The following PARP10 variants were observed in gnomAD, a reference collection of about 807,000 sequenced individuals.
PARP10 encodes the protein poly(ADP-ribose) polymerase family member 10, also known as protein mono-ADP-ribosyltransferase PARP10.
In PARP10, 56 loss-of-function variants were observed where a neutral mutation model predicts 82.4. That is an observed-to-expected ratio of 0.68 (90% CI 0.55 to 0.85). The LOEUF (loss-of-function observed/expected upper bound fraction) is 0.85, where lower values mean the gene tolerates loss of function less well. PARP10 is among the 40% of genes least tolerant of loss of function. The pLI, the probability that PARP10 is intolerant of heterozygous loss-of-function variation, is 0.00. For synonymous variants in PARP10, 576 were observed against 601.1 expected, an observed-to-expected ratio of 0.96 and a Z score of 0.61; for missense variants, 1,227 against 1,379.4, an observed-to-expected ratio of 0.89 and a Z score of 1.75.
intron 9 of PARP10, among the ~76,000 whole-genome samples, chr8:143,982,192 G>A (rs1034453511): frequency 1.3e-5 from 2 of 151,902 alleles, no homozygotes; most frequent in African/African-American, 4.8e-5. Context: ...GTGCAAGGCC[G>A]GGCGCGGTGG....
chr8:143,980,318 TC>T (rs1833819375), intron 9 of PARP10, among the ~76,000 whole-genome samples: 1 of 15,666 alleles, frequency 6.4e-5, no homozygotes, highest in African/African-American at 1.4e-4. Flanking sequence ...AGATTCCGTC[TC>T]AAAAAAAAAA....
chr8:143,991,875 C>T (rs782027669), upstream of PARP10: 2 of 1,610,668 alleles, frequency 1.2e-6, no homozygotes, highest in Non-Finnish European at 8.5e-7. Flanking sequence ...GCTCCTTCCC[C>T]AGGTGTTCCT....
upstream of PARP10, chr8:143,992,898 C>T (rs1554750844): frequency 1.3e-6 from 2 of 1,522,960 alleles, no homozygotes; most frequent in East Asian, 2.3e-5. Flanking sequence ...GACCCTGCCC[C>T]TGGCACGGCA....
intron 1 of PARP10, among the ~76,000 whole-genome samples, chr8:144,003,846 T>C (rs1291785773): frequency 2.0e-5 from 3 of 151,060 alleles, no homozygotes; most frequent in Admixed American, 6.6e-5. Flanking sequence ...GGCAACATAG[T>C]AAGGCCCCAT....
At chr8:143,991,501 C>T, upstream of PARP10, 1 of 1,539,322 alleles carries the variant, frequency 6.5e-7, no homozygotes, top group Non-Finnish European at 8.7e-7. Context: ...CCACAGGGCC[C>T]CTACCCCCAA....
At chr8:143,991,861 A>C, upstream of PARP10, 1 of 1,610,564 alleles carries the variant, frequency 6.2e-7, no homozygotes, top group Non-Finnish European at 8.5e-7. Context: ...GATGACTCTG[A>C]GCGGCTCCTT....
In PARP10 at chr8:144,008,215, C is replaced by A. The variant is rs750348050; in HGVS notation, c.-80+4315G>T. Among the ~76,000 whole-genome samples, 6 of 152,262 alleles carry A rather than the reference C, an allele frequency of 3.9e-5. No individual in the cohort carries two copies. In the East Asian group the frequency reaches 1.2e-3, roughly 29 times the overall value. ...CTGCTTCCCAGGAGGTGCCTCTCAGCGCACCCAGCATGGAGGCAGCACGTT... is the reference window on the plus strand; with the variant it reads ...CTGCTTCCCAGGAGGTGCCTCTCAGAGCACCCAGCATGGAGGCAGCACGTT... On this transcript the variant is annotated intron_variant, in intron 1 of 3. Coordinates refer to the PARP10 transcript ENST00000530478. This position sits in a 1 kb window ranked among gnomAD's most constrained non-coding sequence, Gnocchi z 4.0.
In PARP10 at chr8:143,983,390, G is replaced by T. The variant is rs782691265; in HGVS notation, c.2199C>A (p.His733Gln). ...AGGGCCCCACCGTCTCCTCCTGGAC[G>T]TGGACCTCCAAGGCAGCCCTGAGCG... ...DRALRAALEV[H>Q]VQEETVGPWR... Residue 733 changes from histidine (H) to glutamine (Q), a missense_variant, in exon 8 of 11, where the codon CAC becomes CAA. His to Gln is a conservative substitution (Grantham distance 24). Transcript: ENST00000313028. 31 of 1,605,296 alleles carry T rather than the reference G, an allele frequency of 1.9e-5. No individual in the cohort carries two copies. The highest frequency in any genetic ancestry group is 2.5e-5 in the Non-Finnish European group (29 of 1,179,168).
rs1834249851 is a variant in PARP10, at chr8:144,008,497, C to G, written c.-80+4033G>C. ...ACGGGAAGGAGGAGATCTGACTCAG[C>G]AAAAGCAAGTGGGACAACACTGGAG... On this transcript the variant is annotated intron_variant, in intron 1 of 3. Coordinates refer to the PARP10 transcript ENST00000530478. The surrounding 1 kb of genome is among the most constrained non-coding windows in gnomAD (Gnocchi z 4.0). Among the ~76,000 whole-genome samples the G allele has an allele frequency of 6.6e-6, 1 of 152,204 alleles. No individual in the cohort carries two copies. The highest frequency in any genetic ancestry group is 1.5e-5 in the Non-Finnish European group (1 of 68,040).
intron 1 of PARP10, among the ~76,000 whole-genome samples, chr8:143,996,259 A>G (rs1476504274): frequency 6.6e-6 from 1 of 152,270 alleles, no homozygotes; most frequent in African/African-American, 2.4e-5. Context: ...TTATTTCTCA[A>G]TCAAAAAACA....
intron 9 of PARP10, among the ~76,000 whole-genome samples, chr8:143,979,216 G>A (rs1343483421): frequency 2.6e-5 from 4 of 151,614 alleles, no homozygotes; most frequent in African/African-American, 9.7e-5. Flanking sequence ...CTCGTGATCC[G>A]CCCGCCTCAG....
In PARP10 at chr8:143,977,758, G is replaced by C. The variant is rs201895679; in HGVS notation, c.2804C>G (p.Pro935Arg). 4.4e-6 allele frequency: 7 copies of C among 1,604,426 alleles called. No individual in the cohort carries two copies. In the Admixed American group the frequency reaches 1.2e-4, roughly 27 times the overall value. Residue 935 changes from proline to arginine, a missense_variant, in exon 11 of 11, where the codon CCC (proline) becomes CGC (arginine). Transcript: ENST00000313028. ...SLSVQDRYSP[P>R]NADGHKAVFV... ...CACCGCCTTATGGCCATCGGCGTTG[G>C]GGGGCGAGTAGCGGTCCTGCACCGA...
intron 1 of PARP10, among the ~76,000 whole-genome samples, chr8:144,006,965 C>T (rs1834240327): frequency 1.3e-5 from 2 of 152,226 alleles, no homozygotes; most frequent in South Asian, 4.1e-4. Context: ...TGTCCACCTG[C>T]TCTCCATTCC....
At chr8:143,991,549 T>TC (rs782789467), upstream of PARP10, 5 of 1,547,150 alleles carry the variant, frequency 3.2e-6, no homozygotes, top group Non-Finnish European at 3.5e-6. Flanking sequence ...CAGAGCCCCT[T>TC]CCCCCCCAAC....
chr8:144,012,749 G>A, exon 1 of PARP10: 1 of 1,551,150 alleles, frequency 6.4e-7, no homozygotes, highest in Non-Finnish European at 8.7e-7. Context: ...GCTCCCAAGA[G>A]AGTGAGGAGG....
At chr8:144,002,656 C>T (rs1834210155) in intron 1 of PARP10, among the ~76,000 whole-genome samples, 1 of 152,128 alleles carries the variant, frequency 6.6e-6, no homozygotes, top group Non-Finnish European at 1.5e-5. Context: ...TGGGTAACTA[C>T]TTCAAAATAA....
chr8:143,983,218 C>T lies in PARP10; in HGVS notation c.2371G>A (p.Gly791Ser), dbSNP rs1554748135. 4 of 1,613,778 alleles carry T rather than the reference C, an allele frequency of 2.5e-6. No individual in the cohort carries two copies. The South Asian group carries it at 4.4e-5, about 18-fold the overall frequency. The change falls in exon 8 of 11, where the codon GGC (glycine) becomes AGC (serine). Residue 791 changes from glycine to serine, a missense_variant. By Grantham distance (56) the Gly-to-Ser change is moderately conservative. Coordinates refer to ENST00000313028, the MANE Select transcript of PARP10 (RefSeq NM_032789.5). ...AARHLVALLA[G>S]PWDQSLAFPL... ...AAGGCCAAACTCTGATCCCAGGGGC[C>T]AGCCAGAAGTGCCACCAAGTGGCGG... is the stretch of plus-strand genomic sequence containing the variant.
intron 1 of PARP10, among the ~76,000 whole-genome samples, chr8:144,006,640 T>C (rs1834238668): frequency 6.6e-6 from 1 of 152,276 alleles, no homozygotes; most frequent in African/African-American, 2.4e-5. Context: ...TCAAAATGCA[T>C]GTGTTAAAAT....
At position 143,985,497 on chromosome 8, in the gene PARP10, C is replaced by T; in HGVS notation, c.588G>A (p.Glu196=). The T allele has an allele frequency of 6.2e-7, 1 of 1,613,978 alleles. No homozygotes were observed. The highest frequency in any genetic ancestry group is 8.5e-7 in the Non-Finnish European group (1 of 1,179,960). ...CCAGGGGCCCCCCACCACTGCGGCG[C>T]TCATTCTCCAGGTACAACTCCAGCA... ...LLLLELYLEN[E]RRSGGGPLED... The change falls in exon 4 of 11, where the codon GAG becomes GAA. Residue 196 remains glutamate, a synonymous_variant. Transcript: ENST00000313028.
Sources: gnomAD v4.1 joint callset for allele counts (sites outside exome capture counted in the v4.1 genomes callset) on GRCh38, gnomAD v4.1.1 for gene constraint, Gnocchi (gnomAD v3.1) non-coding constraint, MANE v1.5 for transcripts, NCBI Gene and HGNC (gene_info 2026-07-23, HGNC 2026-07-21) for gene names.